SLC22A24: variants seen among roughly 807,000 people sequenced by gnomAD.
SLC22A24 encodes the protein solute carrier family 22 member 24, also known as steroid transmembrane transporter SLC22A24.
In SLC22A24, 53 loss-of-function variants were observed where a neutral mutation model predicts 49.8. The observed-to-expected ratio is 1.06, with a 90% CI of 0.85 to 1.34. SLC22A24 has a LOEUF of 1.34. Ranked by LOEUF, SLC22A24 falls within the 40% of genes most tolerant of loss-of-function variation. The probability of loss-of-function intolerance (pLI) is 0.00; values close to 1 mark genes in which losing one functional copy is unlikely to be tolerated. For synonymous variants in SLC22A24, 302 were observed against 256.4 expected, an observed-to-expected ratio of 1.18 and a Z score of -1.70; for missense variants, 786 against 675.9, an observed-to-expected ratio of 1.16 and a Z score of -1.81.
At chr11:63,121,792 C>T (rs1330619867) in intron 2 of SLC22A24, among the ~76,000 whole-genome samples, 1 of 152,114 alleles carries the variant, frequency 6.6e-6, no homozygotes, top group Non-Finnish European at 1.5e-5. Flanking sequence ...TCCCGACTCC[C>T]CGCCACCCCA....
chr11:63,141,822 GA>G (rs2087417468), intron 1 of SLC22A24, among the ~76,000 whole-genome samples: 1 of 152,190 alleles, frequency 6.6e-6, no homozygotes, highest in Non-Finnish European at 1.5e-5. Flanking sequence ...CAAGTACAGT[GA>G]AACTAAAGTT....
intron 6 of SLC22A24, among the ~76,000 whole-genome samples, chr11:63,093,350 C>T (rs948320219): frequency 4.6e-5 from 7 of 152,052 alleles, no homozygotes; most frequent in African/African-American, 7.2e-5. Flanking sequence ...GGGTATATAC[C>T]CAAAGTATTA....
chr11:63,084,725 A>G (rs1260248986), intron 6 of SLC22A24, among the ~76,000 whole-genome samples: 1 of 152,120 alleles, frequency 6.6e-6, no homozygotes, highest in Admixed American at 6.6e-5. Flanking sequence ...CGGCTCACAG[A>G]TTATACAAGT....
rs552221208 is a variant in SLC22A24, at chr11:63,083,409, G to A, written c.1119C>T (p.His373=). ...GGAACAGGGAGACATTGCTCCCTAAGTGCTGCAAGTTGAGTATCAGGCCAT... is the reference window on the plus strand; with the variant it reads ...GGAACAGGGAGACATTGCTCCCTAAATGCTGCAAGTTGAGTATCAGGCCAT... The part of the protein sequence containing the change: ...PFYGLILNLQ[H]LGSNVSLFQI... Residue 373 remains histidine, a synonymous_variant, in exon 7 of 10, where the codon CAC becomes CAT. Coordinates refer to ENST00000612278, the MANE Select transcript of SLC22A24 (RefSeq NM_001136506.2). 1 of 1,551,478 alleles carries A rather than the reference G, an allele frequency of 6.4e-7. No individual in the cohort carries two copies. The highest frequency in any genetic ancestry group is 1.2e-5 in the South Asian group (1 of 84,034).
At chr11:63,089,908 C>T (rs2087008403) in intron 6 of SLC22A24, among the ~76,000 whole-genome samples, 1 of 151,580 alleles carries the variant, frequency 6.6e-6, no homozygotes, top group South Asian at 2.1e-4. Flanking sequence ...GGTGAAACCC[C>T]GTCTCTACTA....
intron 4 of SLC22A24, chr11:63,116,322 T>C (rs2087212972): frequency 9.1e-6 from 2 of 220,722 alleles, no homozygotes; most frequent in South Asian, 1.3e-4. Context: ...TTTGGTATGG[T>C]TCTTGGACTT....
intron 6 of SLC22A24, among the ~76,000 whole-genome samples, chr11:63,084,348 G>A (rs536670557): frequency 1.5e-4 from 23 of 152,192 alleles, no homozygotes; most frequent in South Asian, 6.2e-4. Context: ...GTATTTGCTC[G>A]CAGGTTGTAT....
intron 5 of SLC22A24, among the ~76,000 whole-genome samples, chr11:63,096,686 C>T (rs531670893): frequency 2.6e-5 from 4 of 152,102 alleles, no homozygotes; most frequent in Non-Finnish European, 4.4e-5. Flanking sequence ...GCTGGGTCCC[C>T]TCATGAGTGG....
rs986261867 is a variant in SLC22A24 at position 63,143,235 on chromosome 11, G to A, written c.402+143C>T. 3.5e-5 allele frequency: 20 copies of A among 568,242 alleles called. No individual in the cohort carries two copies. In the African/African-American group the frequency reaches 3.9e-4, roughly 11 times the overall value. The allele number at this position is 568,242 out of a possible 1,614,324, so 35.2% of individuals were successfully genotyped here. On this transcript the variant is annotated intron_variant, in intron 1 of 9. Coordinates refer to ENST00000612278, the MANE Select transcript of SLC22A24 (RefSeq NM_001136506.2). The stretch of plus-strand genomic sequence containing the variant: ...TCGTAGAGTATTAATAGATAATCAG[G>A]TGCTGCCACCTGCTAAAGGAATGAA...
At chr11:63,094,066 G>C (rs1471245605) in intron 6 of SLC22A24, among the ~76,000 whole-genome samples, 1 of 151,652 alleles carries the variant, frequency 6.6e-6, no homozygotes, top group Non-Finnish European at 1.5e-5. Flanking sequence ...ATGTATACAT[G>C]TGCCATGTTG....
chr11:63,109,400 T>C (rs1184312850), intron 4 of SLC22A24, among the ~76,000 whole-genome samples: 1 of 146,596 alleles, frequency 6.8e-6, no homozygotes, highest in Non-Finnish European at 1.5e-5. Flanking sequence ...TTTCTAGTTC[T>C]AGATCCCTGA....
intron 5 of SLC22A24, among the ~76,000 whole-genome samples, chr11:63,099,760 G>T (rs2087079452): frequency 1.3e-5 from 2 of 152,016 alleles, no homozygotes; most frequent in African/African-American, 2.4e-5. Flanking sequence ...GGAATGCAAG[G>T]ATGGTTCGAC....
intron 1 of SLC22A24, among the ~76,000 whole-genome samples, chr11:63,135,611 A>G (rs1016620086): frequency 1.3e-5 from 2 of 152,236 alleles, no homozygotes; most frequent in Non-Finnish European, 2.9e-5. Flanking sequence ...TGGTTATGTT[A>G]TCAGTCATTG....
chr11:63,118,327 C>T (rs1348414246), intron 4 of SLC22A24, among the ~76,000 whole-genome samples: 3 of 151,960 alleles, frequency 2.0e-5, no homozygotes, highest in Admixed American at 1.3e-4. Context: ...AGTTTTTCTT[C>T]AACAAAAGAT....
chr11:63,099,811 TA>T (rs2087079797), intron 5 of SLC22A24, among the ~76,000 whole-genome samples: 2 of 152,006 alleles, frequency 1.3e-5, no homozygotes, highest in South Asian at 4.2e-4. Flanking sequence ...ATGAACAGAA[TA>T]AAGGACAAAA....
At chr11:63,131,448 C>T (rs1182995444) in intron 2 of SLC22A24, among the ~76,000 whole-genome samples, 1 of 152,270 alleles carries the variant, frequency 6.6e-6, no homozygotes, top group East Asian at 1.9e-4. Flanking sequence ...GTGCTTCCTT[C>T]AGGAACTCTT....
intron 2 of SLC22A24, among the ~76,000 whole-genome samples, chr11:63,131,709 T>C (rs190030702): frequency 8.8e-4 from 134 of 152,292 alleles, no homozygotes; most frequent in African/African-American, 3.1e-3. Context: ...CTGCCCTTAA[T>C]ATTTTTTGTC....
chr11:63,080,891 C>G lies in SLC22A24; in HGVS notation c.1598+29G>C, dbSNP rs757064179. On this transcript the variant is annotated intron_variant, in intron 9 of 9. Coordinates refer to ENST00000612278, the MANE Select transcript of SLC22A24 (RefSeq NM_001136506.2). The stretch of plus-strand genomic sequence containing the variant: ...AGCTACAGCACATAGCCACTCCCCA[C>G]TCAAGTGACAGCTAGAGGGTTTACT... The G allele has an allele frequency of 2.0e-6, 3 of 1,537,940 alleles. No individual in the cohort carries two copies. In the South Asian group the frequency reaches 3.6e-5, roughly 18 times the overall value.
At chr11:63,097,532 A>G (rs1210738062) in intron 5 of SLC22A24, among the ~76,000 whole-genome samples, 1 of 152,174 alleles carries the variant, frequency 6.6e-6, no homozygotes, top group East Asian at 1.9e-4. Context: ...AAGGATCTAG[A>G]ACCAGAAATA....
Sources: gnomAD v4.1 joint callset for allele counts (sites outside exome capture counted in the v4.1 genomes callset) on GRCh38, gnomAD v4.1.1 for gene constraint, MANE v1.5 for transcripts, NCBI Gene and HGNC (gene_info 2026-07-23, HGNC 2026-07-21) for gene names.